The following OTUD7B variants were observed in gnomAD, a reference collection of about 807,000 sequenced individuals.
OTUD7B encodes OTU deubiquitinase 7B, also known as OTU domain-containing protein 7B.
Under a neutral mutation model 82.2 loss-of-function variants are expected in OTUD7B, and 34 were observed. That is an observed-to-expected ratio of 0.41 (90% CI 0.31 to 0.55). OTUD7B has a LOEUF of 0.55. Ranked by LOEUF, OTUD7B falls within the 20% of genes least tolerant of loss-of-function variation. The pLI is 0.20. For synonymous variants in OTUD7B, 398 were observed against 402.7 expected, an observed-to-expected ratio of 0.99 and a Z score of 0.14; for missense variants, 944 against 1,062.1, an observed-to-expected ratio of 0.89 and a Z score of 1.55.
intron 1 of OTUD7B, among the ~76,000 whole-genome samples, chr1:149,993,283 G>A (rs1380211563): frequency 6.6e-6 from 1 of 152,190 alleles, no homozygotes; most frequent in Non-Finnish European, 1.5e-5. Flanking sequence ...TAGTGCCCAG[G>A]TCACTGCAAT....
At chr1:150,031,742 T>C in the OTUD7B span, among the ~76,000 whole-genome samples, 4 of 152,202 alleles carry the variant, frequency 2.6e-5, no homozygotes, top group Non-Finnish European at 4.4e-5. Flanking sequence ...TTAACCTGTC[T>C]ATGTCTCAGC....
upstream of OTUD7B, among the ~76,000 whole-genome samples, chr1:150,011,308 C>T (rs1653045134): frequency 6.6e-6 from 1 of 152,012 alleles, no homozygotes; most frequent in African/African-American, 2.4e-5. Context: ...TTACATAGTG[C>T]GTTTGTTATG....
chr1:150,013,139 G>A (rs1005507146), upstream of OTUD7B, among the ~76,000 whole-genome samples: 4 of 152,176 alleles, frequency 2.6e-5, no homozygotes, highest in East Asian at 3.8e-4. Flanking sequence ...AAAGGTAAAA[G>A]CACCAGACAA....
chr1:149,964,792 C>T (rs1553776182), intron 5 of OTUD7B, among the ~76,000 whole-genome samples: 2 of 151,900 alleles, frequency 1.3e-5, no homozygotes, highest in Non-Finnish European at 1.5e-5. Flanking sequence ...CAGGGTTTCA[C>T]GATGTTGGCC....
chr1:149,950,892 C>T (rs1221106202), intron 7 of OTUD7B, among the ~76,000 whole-genome samples: 3 of 148,672 alleles, frequency 2.0e-5, no homozygotes, highest in African/African-American at 5.0e-5. Flanking sequence ...CCCAAGTTCA[C>T]GCCATTCTCC....
chr1:150,027,917 C>T, the OTUD7B span, among the ~76,000 whole-genome samples: 2 of 152,100 alleles, frequency 1.3e-5, no homozygotes, highest in African/African-American at 4.8e-5. Context: ...ATATGAATTT[C>T]TCAGACATTT....
chr1:150,012,194 C>T (rs1480580920), upstream of OTUD7B, among the ~76,000 whole-genome samples: 1 of 152,096 alleles, frequency 6.6e-6, no homozygotes, highest in Non-Finnish European at 1.5e-5. Context: ...ATTTGGTCAC[C>T]TAAATTGACT....
At chr1:149,968,725 C>T (rs116740299) in intron 3 of OTUD7B, among the ~76,000 whole-genome samples, 2,039 of 152,036 alleles carry the variant, frequency 0.013, 56 homozygotes, top group African/African-American at 0.046. Flanking sequence ...TGTTTTTGTT[C>T]TTTGAGACAG....
At chr1:149,990,411 T>C (rs1448567258) in intron 1 of OTUD7B, among the ~76,000 whole-genome samples, 3 of 152,244 alleles carry the variant, frequency 2.0e-5, no homozygotes, top group African/African-American at 7.2e-5. Context: ...TCTAAACTAT[T>C]CATGCTAGTC....
chr1:149,961,304 ACC>A (rs1649142630), intron 6 of OTUD7B: 1 of 152,090 alleles, frequency 6.6e-6, no homozygotes, highest in Admixed American at 6.6e-5. Flanking sequence ...TGGCAGATCA[ACC>A]ACTCCTTCCT....
At chr1:149,994,696 A>C (rs1651816250) in intron 1 of OTUD7B, among the ~76,000 whole-genome samples, 1 of 151,904 alleles carries the variant, frequency 6.6e-6, no homozygotes, top group African/African-American at 2.4e-5. Context: ...CTGTAACCTC[A>C]AACTCCTGGG....
At chr1:150,018,050 A>G in the OTUD7B span, among the ~76,000 whole-genome samples, 1 of 152,198 alleles carries the variant, frequency 6.6e-6, no homozygotes, top group Admixed American at 6.5e-5. Context: ...CAACAACCAT[A>G]GAGATGTCAA....
intron 1 of OTUD7B, among the ~76,000 whole-genome samples, chr1:150,007,145 C>T (rs1465573929): frequency 6.6e-6 from 1 of 152,170 alleles, no homozygotes; most frequent in Non-Finnish European, 1.5e-5. Context: ...CATCATTGCA[C>T]ACTGTACATT....
the OTUD7B span, among the ~76,000 whole-genome samples, chr1:150,060,672 T>C: frequency 6.6e-6 from 1 of 152,184 alleles, no homozygotes; most frequent in African/African-American, 2.4e-5. Flanking sequence ...AAGCTGAGGC[T>C]GAAGGTTGAC....
intron 1 of OTUD7B, among the ~76,000 whole-genome samples, chr1:150,006,500 A>T (rs1263641071): frequency 1.3e-5 from 2 of 152,228 alleles, no homozygotes; most frequent in Non-Finnish European, 2.9e-5. Flanking sequence ...ATAGTGGGTC[A>T]CTACAAATAA....
chr1:150,060,243 G>C, the OTUD7B span, among the ~76,000 whole-genome samples: 2 of 152,186 alleles, frequency 1.3e-5, no homozygotes, highest in Admixed American at 1.3e-4. Flanking sequence ...CAAAATTCCT[G>C]TGTTGAAGTC....
intron 3 of OTUD7B, 43 bp from the exon 4 acceptor site, chr1:149,967,564 C>T: frequency 6.9e-7 from 1 of 1,447,450 alleles, no homozygotes. Context: ...ACACAGCCCA[C>T]TTGGAGAACT....
intron 5 of OTUD7B, among the ~76,000 whole-genome samples, chr1:149,965,000 C>A (rs1649432091): frequency 6.6e-6 from 1 of 151,202 alleles, no homozygotes; most frequent in South Asian, 2.1e-4. Flanking sequence ...TTCAGCAATT[C>A]TCCTGCCTCA....
At chr1:150,064,126 G>T in the OTUD7B span, among the ~76,000 whole-genome samples, 1 of 152,152 alleles carries the variant, frequency 6.6e-6, no homozygotes, top group Admixed American at 6.5e-5. Context: ...TTTACCTTTT[G>T]ATTTCTAATA....
Sources: allele counts gnomAD v4.1 joint callset (sites outside exome capture counted in the v4.1 genomes callset), GRCh38; gene constraint gnomAD v4.1.1; transcripts MANE v1.5; gene names NCBI Gene and HGNC (gene_info 2026-07-23, HGNC 2026-07-21).